Variants in TYW1B observed in about 807,000 individuals in gnomAD.
TYW1B encodes the protein S-adenosyl-L-methionine-dependent tRNA 4-demethylwyosine synthase TYW1B.
A neutral mutation model predicts 86.9 loss-of-function variants in TYW1B; 73 were observed. The ratio of observed to expected loss-of-function variants is 0.84; its 90% CI spans 0.70 to 1.02. The LOEUF is 1.02. Ranked by LOEUF, TYW1B falls within the 50% of genes least tolerant of loss-of-function variation. The pLI is 0.00. For missense variants in TYW1B, 637 were observed against 827.4 expected (o/e 0.77, Z 2.82); for synonymous variants, 248 against 292.8 (o/e 0.85, Z 1.56).
At chr7:72,612,192 TTTAA>T (rs1361134330) in intron 13 of TYW1B, among the ~76,000 whole-genome samples, 2 of 152,084 alleles carry the variant, frequency 1.3e-5, no homozygotes, top group African/African-American at 4.8e-5. Context: ...ATAGGAGGGA[TTTAA>T]TTAGAGAGAA....
intron 13 of TYW1B, among the ~76,000 whole-genome samples, chr7:72,607,172 C>T (rs1462397993): frequency 6.6e-6 from 1 of 151,570 alleles, no homozygotes; most frequent in Non-Finnish European, 1.5e-5. Context: ...ATGGGTGGAT[C>T]ACTGGAAGCC....
intron 7 of TYW1B, among the ~76,000 whole-genome samples, chr7:72,753,874 G>A (rs57712156): frequency 0.69 from 104,368 of 152,022 alleles, 36,764 homozygotes; most frequent in Non-Finnish European, 0.77. Context: ...ATACTTAACA[G>A]ACTATGGTAT....
intron 6 of TYW1B, among the ~76,000 whole-genome samples, chr7:72,797,745 T>C (rs574610743): frequency 6.6e-6 from 1 of 152,170 alleles, no homozygotes; most frequent in East Asian, 1.9e-4. Context: ...AAAACAAACC[T>C]GCAATCTTAA....
chr7:72,827,428 A>C (rs1244990461), intron 1 of TYW1B, among the ~76,000 whole-genome samples: 7 of 152,194 alleles, frequency 4.6e-5, no homozygotes, highest in African/African-American at 1.7e-4. Context: ...CGGGGGAATC[A>C]ACTGTAATAA....
intron 13 of TYW1B, among the ~76,000 whole-genome samples, chr7:72,593,820 TAAAAAAAAAA>T (rs59821679): frequency 1.6e-4 from 7 of 43,694 alleles, no homozygotes; most frequent in South Asian, 2.3e-3. Flanking sequence ...AGACTCCATC[TAAAAAAAAAA>T]AAAAAAAAAA....
intron 13 of TYW1B, among the ~76,000 whole-genome samples, chr7:72,584,427 A>G (rs1554430132): frequency 6.6e-6 from 1 of 151,406 alleles, no homozygotes; most frequent in Non-Finnish European, 1.5e-5. Flanking sequence ...TGTTTAACTT[A>G]TCTAAAACTT....
chr7:72,668,505 A>G (rs1813518922), intron 11 of TYW1B, among the ~76,000 whole-genome samples: 2 of 151,070 alleles, frequency 1.3e-5, no homozygotes, highest in Admixed American at 1.3e-4. Context: ...TTTAACATGA[A>G]GGCCGAGAAA....
At chr7:72,798,014 C>G (rs148116363) in intron 6 of TYW1B, among the ~76,000 whole-genome samples, 1 of 148,050 alleles carries the variant, frequency 6.8e-6, no homozygotes. Flanking sequence ...TATATATACA[C>G]ACACACACAC....
chr7:72,787,111 A>G (rs1788142251), intron 6 of TYW1B, among the ~76,000 whole-genome samples: 1 of 152,120 alleles, frequency 6.6e-6, no homozygotes, highest in East Asian at 1.9e-4. Flanking sequence ...AGTGTTAATT[A>G]TAAGAGCAGA....
intron 6 of TYW1B, among the ~76,000 whole-genome samples, chr7:72,798,534 A>C (rs190162703): frequency 6.6e-6 from 1 of 152,270 alleles, no homozygotes; most frequent in Non-Finnish European, 1.5e-5. Context: ...GCTTTTTTCA[A>C]CCAGTATTCG....
chr7:72,574,902 A>T lies in TYW1B; in HGVS notation c.*596T>A. The T allele has an allele frequency of 1.0e-6, 1 of 986,318 alleles. No individual in the cohort carries two copies. The highest frequency in any genetic ancestry group is 1.2e-6 in the Non-Finnish European group (1 of 830,580). 61.1% of individuals were successfully genotyped at this position (986,318 alleles called of 1,614,324 possible). On this transcript the variant is annotated 3_prime_UTR_variant, in exon 14 of 14. Coordinates refer to ENST00000620995, the MANE Select transcript of TYW1B (RefSeq NM_001145440.3). ...ATGGGATGAGATCTAGTAGTTTTAG[A>T]TCCGATGCAATTTTGGGAAGGGTTA...
intron 11 of TYW1B, among the ~76,000 whole-genome samples, chr7:72,674,806 A>T (rs1813698246): frequency 7.4e-6 from 1 of 135,666 alleles, no homozygotes; most frequent in Admixed American, 8.1e-5. Flanking sequence ...CATGTTGCCC[A>T]GGCTAGTCTC....
intron 5 of TYW1B, among the ~76,000 whole-genome samples, chr7:72,803,278 C>T (rs1299711216): frequency 6.6e-6 from 1 of 152,008 alleles, no homozygotes; most frequent in Middle Eastern, 3.2e-3. Flanking sequence ...TGTGAAAGGG[C>T]ATGACGGAGT....
At chr7:72,742,101 T>C (rs1312142774) in intron 8 of TYW1B, among the ~76,000 whole-genome samples, 1 of 152,080 alleles carries the variant, frequency 6.6e-6, no homozygotes, top group Admixed American at 6.5e-5. Flanking sequence ...CACTGTTGTA[T>C]TTTTGGATTT....
intron 10 of TYW1B, among the ~76,000 whole-genome samples, chr7:72,702,757 T>A (rs1432291200): frequency 2.6e-5 from 4 of 152,072 alleles, no homozygotes; most frequent in Non-Finnish European, 5.9e-5. Context: ...AAGCTCTTTT[T>A]TCTTGCTGAG....
chr7:72,716,839 GGGGTTTCACTATGTT>G (rs1170210782), intron 9 of TYW1B, among the ~76,000 whole-genome samples: 1 of 140,190 alleles, frequency 7.1e-6, no homozygotes. Flanking sequence ...TAGTAGAGAT[GGGGTTTCACTATGTT>G]GGCCCGCCTC....
chr7:72,624,169 G>A (rs1442429661), intron 12 of TYW1B, among the ~76,000 whole-genome samples: 4 of 152,170 alleles, frequency 2.6e-5, no homozygotes, highest in Non-Finnish European at 5.9e-5. Flanking sequence ...ATGACAAAAA[G>A]ATGTATTTTC....
intron 6 of TYW1B, among the ~76,000 whole-genome samples, chr7:72,786,275 CTTAT>C (rs1788127985): frequency 1.3e-5 from 2 of 152,016 alleles, no homozygotes; most frequent in Non-Finnish European, 2.9e-5. Context: ...AAACTGGTAG[CTTAT>C]TTTTGTGTCA....
chr7:72,590,709 T>C (rs1444921491), intron 13 of TYW1B, among the ~76,000 whole-genome samples: 1 of 151,994 alleles, frequency 6.6e-6, no homozygotes, highest in East Asian at 1.9e-4. Flanking sequence ...CAGAAAACAC[T>C]GAGAGGCAAA....
Sources: allele counts gnomAD v4.1 joint callset (sites outside exome capture counted in the v4.1 genomes callset), GRCh38; gene constraint gnomAD v4.1.1; transcripts MANE v1.5; gene names NCBI Gene and HGNC (gene_info 2026-07-23, HGNC 2026-07-21).